The following ZFAT variants were observed in gnomAD, a reference collection of about 807,000 sequenced individuals.
ZFAT encodes the protein zinc finger protein ZFAT.
ZFAT carries 64 observed loss-of-function variants against 117.7 expected under a neutral mutation model. The observed-to-expected ratio is 0.54, with a 90% CI of 0.44 to 0.67. The LOEUF (loss-of-function observed/expected upper bound fraction) is 0.67. Among genes scored for constraint, ZFAT ranks in the 30% least tolerant of loss-of-function variants. The probability of loss-of-function intolerance (pLI) is 0.00; values close to 1 mark genes in which losing one functional copy is unlikely to be tolerated. For missense variants in ZFAT, 1,433 were observed against 1,584.5 expected, an observed-to-expected ratio of 0.90 and a Z score of 1.62; for synonymous variants, 679 against 615.0, an observed-to-expected ratio of 1.10 and a Z score of -1.54.
At chr8:134,657,762 T>C (rs752081166) in intron 1 of ZFAT, 25 bp from the exon 2 acceptor site, 12 of 1,605,914 alleles carry the variant, frequency 7.5e-6, no homozygotes, top group African/African-American at 4.0e-5. Flanking sequence ...AAGGAAAATA[T>C]GTTATTTCAT....
At chr8:134,804,738 C>T in the ZFAT span, 2 of 375,566 alleles carry the variant, frequency 5.3e-6, no homozygotes. Flanking sequence ...ACCCTACATT[C>T]AACTATCATA....
At chr8:134,737,564 A>C in the ZFAT span, among the ~76,000 whole-genome samples, 7 of 140,614 alleles carry the variant, frequency 5.0e-5, no homozygotes, top group East Asian at 1.4e-3. Flanking sequence ...TAGGTGATAC[A>C]GCACCTTTCT....
At chr8:134,727,008 C>T in the ZFAT span, among the ~76,000 whole-genome samples, 4 of 152,030 alleles carry the variant, frequency 2.6e-5, no homozygotes, top group African/African-American at 7.2e-5. Flanking sequence ...ACCTGATGCT[C>T]GCCTAACCTT....
chr8:134,676,078 A>G (rs1184089888), intron 1 of ZFAT, among the ~76,000 whole-genome samples: 1 of 152,188 alleles, frequency 6.6e-6, no homozygotes, highest in Non-Finnish European at 1.5e-5. Flanking sequence ...TGACAGGATC[A>G]AATTCACACA....
intron 1 of ZFAT, among the ~76,000 whole-genome samples, chr8:134,667,656 G>A (rs1832302458): frequency 6.6e-6 from 1 of 151,988 alleles, no homozygotes; most frequent in Non-Finnish European, 1.5e-5. Context: ...AATAGGAACA[G>A]CTCCAGTCTA....
At position 134,478,108 on chromosome 8, in the gene ZFAT, T is replaced by G; in HGVS notation, c.*374A>C. 8.1e-6 allele frequency: 2 copies of G among 245,800 alleles called. No individual in the cohort carries two copies. The highest frequency in any genetic ancestry group is 1.6e-5 in the Non-Finnish European group (2 of 125,160). 15.2% of individuals were successfully genotyped at this position (245,800 alleles called of 1,614,324 possible). On this transcript the variant is annotated 3_prime_UTR_variant, in exon 16 of 16. Transcript: ENST00000377838. The surrounding 1 kb of genome is among the most constrained non-coding windows in gnomAD (Gnocchi z 5.2). ...TGCAGATGAACATTTGGCACCTAGA[T>G]GGGGGTCAAGGAGCTGGGGCTGTGA...
chr8:134,609,235 G>A (rs552143941), intron 4 of ZFAT, among the ~76,000 whole-genome samples: 6 of 151,886 alleles, frequency 4.0e-5, no homozygotes, highest in Non-Finnish European at 7.4e-5. Context: ...AGGATCACCC[G>A]TGTCAAACTG....
intron 3 of ZFAT, among the ~76,000 whole-genome samples, chr8:134,624,353 C>T (rs1259672869): frequency 1.3e-5 from 2 of 152,164 alleles, no homozygotes; most frequent in Non-Finnish European, 2.9e-5. Context: ...TCTAGAAGTG[C>T]TTCTTTAGGA....
chr8:134,804,810 A>G, the ZFAT span: 19 of 512,086 alleles, frequency 3.7e-5, no homozygotes, highest in East Asian at 1.1e-3. Context: ...TTTCCCACAC[A>G]TTTTATAGCC....
chr8:134,560,839 G>A (rs1823995843), intron 11 of ZFAT, among the ~76,000 whole-genome samples: 1 of 152,226 alleles, frequency 6.6e-6, no homozygotes, highest in South Asian at 2.1e-4. Context: ...GGATTTGGAA[G>A]AAAGCAAAGA....
chr8:134,535,789 T>G (rs1018375038), intron 11 of ZFAT, among the ~76,000 whole-genome samples: 1 of 152,074 alleles, frequency 6.6e-6, no homozygotes, highest in Non-Finnish European at 1.5e-5. Flanking sequence ...ATATGATTAC[T>G]GCAAAGTTAA....
intron 12 of ZFAT, 31 bp from the exon 13 acceptor site, chr8:134,521,032 A>C: frequency 2.0e-6 from 3 of 1,511,454 alleles, no homozygotes; most frequent in Non-Finnish European, 2.7e-6. Context: ...TAAAAAAAAA[A>C]TGTGTTCGTA....
the ZFAT span, among the ~76,000 whole-genome samples, chr8:134,727,103 T>C: frequency 6.7e-6 from 1 of 149,522 alleles, no homozygotes; most frequent in African/African-American, 2.5e-5. Flanking sequence ...AAGCACAAGA[T>C]AATTTCATCT....
chr8:134,478,539 C>T lies in ZFAT; in HGVS notation c.3675G>A (p.Gln1225=). ...GEASEFIVYV[Q]EAMQPVEEQA... ...GCTCCTCCACAGGCTGCATGGCCTCCTGCACGTAGACGATGAACTCCGAGG... is the reference window on the plus strand; with the variant it reads ...GCTCCTCCACAGGCTGCATGGCCTCTTGCACGTAGACGATGAACTCCGAGG... Residue 1225 remains glutamine (Q), a synonymous_variant, in exon 16 of 16, where the codon CAG becomes CAA. Transcript: ENST00000377838. The surrounding 1 kb of genome is among the most constrained non-coding windows in gnomAD (Gnocchi z 5.2). The T allele has an allele frequency of 6.3e-7, 1 of 1,592,388 alleles. No homozygotes were observed. Among genetic ancestry groups the T allele is most frequent in the South Asian group, 1.1e-5 (1 of 87,284 alleles).
the ZFAT span, among the ~76,000 whole-genome samples, chr8:134,734,094 A>G: frequency 6.6e-6 from 1 of 152,228 alleles, no homozygotes; most frequent in Non-Finnish European, 1.5e-5. Flanking sequence ...GGTTTTTGCC[A>G]TGACGCTGCT....
intron 3 of ZFAT, among the ~76,000 whole-genome samples, chr8:134,622,318 A>G (rs1377842154): frequency 6.6e-6 from 1 of 152,218 alleles, no homozygotes; most frequent in Non-Finnish European, 1.5e-5. Flanking sequence ...GCACATTAGC[A>G]TACTTCTTTA....
chr8:134,750,046 T>C, the ZFAT span, among the ~76,000 whole-genome samples: 3 of 152,232 alleles, frequency 2.0e-5, no homozygotes, highest in Admixed American at 1.3e-4. Flanking sequence ...TGATTGGGGT[T>C]GTGTCAAATC....
At chr8:134,535,156 C>T (rs1289667723) in intron 11 of ZFAT, among the ~76,000 whole-genome samples, 1 of 152,238 alleles carries the variant, frequency 6.6e-6, no homozygotes, top group African/African-American at 2.4e-5. Context: ...CTGGATCTCT[C>T]TAAGGTGCTG....
At chr8:134,571,900 G>C (rs1456055306) in intron 10 of ZFAT, among the ~76,000 whole-genome samples, 1 of 152,178 alleles carries the variant, frequency 6.6e-6, no homozygotes, top group Admixed American at 6.5e-5. Context: ...TTTTGGAAAG[G>C]AAGTTGGCAG....
Sources: allele counts gnomAD v4.1 joint callset (sites outside exome capture counted in the v4.1 genomes callset), GRCh38; gene constraint gnomAD v4.1.1; non-coding constraint Gnocchi (gnomAD v3.1); transcripts MANE v1.5; gene names NCBI Gene and HGNC (gene_info 2026-07-23, HGNC 2026-07-21).